Variants in SLC12A4 observed in about 807,000 individuals in gnomAD.
The protein encoded by SLC12A4 is electroneutral potassium-chloride cotransporter 1.
Under a neutral mutation model 119.2 loss-of-function variants are expected in SLC12A4, and 84 were observed. The ratio of observed to expected loss-of-function variants is 0.70; its 90% CI spans 0.59 to 0.85. SLC12A4 has a LOEUF of 0.85. SLC12A4 is among the 40% of genes least tolerant of loss of function. The pLI is 0.00. For synonymous variants in SLC12A4, 599 were observed against 604.6 expected, an observed-to-expected ratio of 0.99 and a Z score of 0.14; for missense variants, 1,298 against 1,476.3, an observed-to-expected ratio of 0.88 and a Z score of 1.98.
chr16:67,963,409 G>T, intron 2 of SLC12A4, 56 bp downstream of exon 2: 1 of 1,217,582 alleles, frequency 8.2e-7, no homozygotes, highest in Non-Finnish European at 1.2e-6. Flanking sequence ...CAGCCTGCCT[G>T]CTTAGCTAAA....
At position 67,945,697 on chromosome 16, in the gene SLC12A4, C is replaced by T. The variant is rs2058336084; in HGVS notation, c.2847+67G>A. ...TGAGTCATTCTGATTCCTCCGCACC[C>T]ACCGATGCGGTCTCCAAAGGCCTGA... On this transcript the variant is annotated intron_variant, in intron 21 of 23. Coordinates refer to ENST00000316341, the MANE Select transcript of SLC12A4 (RefSeq NM_005072.5). 14 of 1,521,148 alleles carry T rather than the reference C, an allele frequency of 9.2e-6. No homozygotes were observed. In the Admixed American group the frequency reaches 1.6e-4, roughly 17 times the overall value. 94.2% of individuals were successfully genotyped at this position (1,521,148 alleles called of 1,614,324 possible).
In SLC12A4 at chr16:67,946,653, G is replaced by T; in HGVS notation, c.2242-20C>A. 6.3e-7 allele frequency: 1 copy of T among 1,592,682 alleles called. No individual in the cohort carries two copies. Among genetic ancestry groups the T allele is most frequent in the African/African-American group, 1.3e-5 (1 of 74,646 alleles). On this transcript the variant is annotated intron_variant, in intron 17 of 23. Transcript: ENST00000316341. ...GATGGTCTGTGGGGAACACACCCAG[G>T]GCCAATGGGAGGCCATCAGCTTCCT...
At chr16:67,964,662 C>T (rs1156725816) in intron 1 of SLC12A4, among the ~76,000 whole-genome samples, 2 of 152,162 alleles carry the variant, frequency 1.3e-5, no homozygotes, top group Non-Finnish European at 2.9e-5. Context: ...GGCATGGTGT[C>T]CAGTGATGGA....
At chr16:67,960,674 T>C (rs913873115) in intron 3 of SLC12A4, among the ~76,000 whole-genome samples, 2 of 151,176 alleles carry the variant, frequency 1.3e-5, no homozygotes, top group African/African-American at 4.9e-5. Context: ...AGGGAGTCAG[T>C]GTGTGGAGAG....
chr16:67,966,444 C>T (rs1037673333), intron 1 of SLC12A4, among the ~76,000 whole-genome samples: 1 of 152,246 alleles, frequency 6.6e-6, no homozygotes, highest in Non-Finnish European at 1.5e-5. Flanking sequence ...TGGCCTAGGC[C>T]TAGGGACTGC....
Position 67,946,565 on chromosome 16 carries a change from C to T in SLC12A4, c.2310G>A (p.Val770=), listed in dbSNP as rs2058352879. 6.2e-7 allele frequency: 1 copy of T among 1,612,792 alleles called. No individual in the cohort carries two copies. Among genetic ancestry groups the T allele is most frequent in the East Asian group, 2.2e-5 (1 of 44,882 alleles). Residue 770 remains valine, a synonymous_variant, in exon 18 of 24, where the codon GTG becomes GTA. Transcript: ENST00000316341. ...GFCQVVVASK[V]REGLAHLIQS... ...GGATGAGGTGGGCCAGCCCCTCCCG[C>T]ACCTTGCTGGCCACCACCACCTGGC... is the stretch of plus-strand genomic sequence containing the variant.
At chr16:67,961,856 A>C (rs2030593822) in intron 2 of SLC12A4, 150 bp from the exon 3 acceptor site, 2 of 1,014,224 alleles carry the variant, frequency 2.0e-6, no homozygotes, top group East Asian at 2.5e-5. Context: ...AAGCCATCCA[A>C]CTGGACAGGT....
chr16:67,946,193 G>A lies in SLC12A4; in HGVS notation c.2585C>T (p.Pro862Leu). ...VHDGGMLMLL[P>L]FLLRQHKVWR... ...TACCTTATGCTGGCGCAGCAGGAAGGGCAGAAGCATGAGCATGCCACCATC... is the reference window on the plus strand; with the variant it reads ...TACCTTATGCTGGCGCAGCAGGAAGAGCAGAAGCATGAGCATGCCACCATC... The change falls in exon 19 of 24, where the codon CCC becomes CTC. Residue 862 changes from proline (P) to leucine (L), a missense_variant. By Grantham distance (98) the Pro-to-Leu change is moderately conservative. Transcript: ENST00000316341. 1 of 1,613,932 alleles carries A rather than the reference G, an allele frequency of 6.2e-7. No individual in the cohort carries two copies. The highest frequency in any genetic ancestry group is 8.5e-7 in the Non-Finnish European group (1 of 1,180,030).
intron 1 of SLC12A4, among the ~76,000 whole-genome samples, chr16:67,967,618 G>A (rs1363683303): frequency 2.0e-5 from 3 of 152,150 alleles, no homozygotes; most frequent in Admixed American, 2.0e-4. Flanking sequence ...AAAGGGCTGT[G>A]GAGAGACGCG....
At chr16:67,948,813 AG>A (rs1421247724) in intron 13 of SLC12A4, among the ~76,000 whole-genome samples, 2 of 151,450 alleles carry the variant, frequency 1.3e-5, no homozygotes, top group Non-Finnish European at 2.9e-5. Flanking sequence ...AAACAGTTTC[AG>A]GTGTGCTCTT....
chr16:67,952,685 A>T (rs1482122819), intron 6 of SLC12A4, among the ~76,000 whole-genome samples: 1 of 151,672 alleles, frequency 6.6e-6, no homozygotes, highest in Non-Finnish European at 1.5e-5. Flanking sequence ...CAGCAACTGG[A>T]GGCTGAGGCA....
At chr16:67,968,383 G>A in intron 1 of SLC12A4, 56 bp downstream of exon 1, 3 of 1,454,678 alleles carry the variant, frequency 2.1e-6, no homozygotes, top group Non-Finnish European at 2.7e-6. Context: ...CCGGGATGGC[G>A]GCCCCGGGTG....
At chr16:67,954,045 T>G in intron 6 of SLC12A4, 1 of 281,034 alleles carries the variant, frequency 3.6e-6, no homozygotes, top group Non-Finnish European at 7.3e-6. Context: ...AGGTATCTCC[T>G]ACCCTCTGGA....
rs1027089121 is a variant in SLC12A4 at position 67,944,719 on chromosome 16, C to G, written c.*121G>C. ...CAAGGAGACCTAGCAAAGCTGGGTC[C>G]AGGACAGGGCCAGGCAAGCAGGGCT... On this transcript the variant is annotated 3_prime_UTR_variant, in exon 24 of 24. Transcript: ENST00000316341. This position sits in a 1 kb window ranked among gnomAD's most constrained non-coding sequence, Gnocchi z 6.6. The G allele has an allele frequency of 1.4e-6, 2 of 1,469,626 alleles. No individual in the cohort carries two copies. Among genetic ancestry groups the G allele is most frequent in the Non-Finnish European group, 1.8e-6 (2 of 1,111,810 alleles). The allele number at this position is 1,469,626 out of a possible 1,614,324, so 91.0% of individuals were successfully genotyped here.
At position 67,951,712 on chromosome 16, in the gene SLC12A4, G is replaced by A. The variant is rs1346090051; in HGVS notation, c.1132+111C>T. On this transcript the variant is annotated intron_variant, in intron 8 of 23. Coordinates refer to ENST00000316341, the MANE Select transcript of SLC12A4 (RefSeq NM_005072.5). This position sits in a 1 kb window ranked among gnomAD's most constrained non-coding sequence, Gnocchi z 5.2. ...GGGAGGACACTGGGGGGCTGGGAAG[G>A]CGGCCAGTCCTGCCCCCGTTCCCAA... 4.1e-6 allele frequency: 4 copies of A among 985,254 alleles called. No homozygotes were observed. The highest frequency in any genetic ancestry group is 4.6e-5 in the Admixed American group (2 of 43,432). 61.0% of individuals were successfully genotyped at this position (985,254 alleles called of 1,614,324 possible). A position where few individuals can be genotyped will look rare whatever the true frequency, so the allele number is the denominator to read the frequency against.
At chr16:67,953,196 A>G (rs1378057414) in intron 6 of SLC12A4, among the ~76,000 whole-genome samples, 3 of 151,546 alleles carry the variant, frequency 2.0e-5, no homozygotes, top group Admixed American at 6.6e-5. Context: ...AGACAACCCC[A>G]GGCAACTTGG....
intron 6 of SLC12A4, among the ~76,000 whole-genome samples, 154 bp from the exon 7 acceptor site, chr16:67,952,579 A>C (rs998818140): frequency 1.3e-5 from 2 of 151,166 alleles, no homozygotes; most frequent in African/African-American, 4.9e-5. Flanking sequence ...GTGGGGGATC[A>C]CTTGAGGTCA....
At chr16:67,945,724 C>T (rs769728907) in intron 21 of SLC12A4, 40 bp downstream of exon 21, 40 of 1,591,820 alleles carry the variant, frequency 2.5e-5, no homozygotes, top group Non-Finnish European at 3.3e-5. Context: ...AAGGCCTGAC[C>T]CTGCCACCCG....
At position 67,945,907 on chromosome 16, in the gene SLC12A4, C is replaced by T. The variant is rs115688157; in HGVS notation, c.2740-36G>A. 691 of 1,613,088 alleles carry T rather than the reference C, an allele frequency of 4.3e-4. 1 individual carries two copies. The African/African-American group carries it at 7.1e-3, about 17-fold the overall frequency. ...GGTTGGCCGTGAGGACCCAGCTGCACGGGACATGGTATCCACGGGGCCAGG... is the reference window on the plus strand; with the variant it reads ...GGTTGGCCGTGAGGACCCAGCTGCATGGGACATGGTATCCACGGGGCCAGG... On this transcript the variant is annotated intron_variant, in intron 20 of 23. Coordinates refer to ENST00000316341, the MANE Select transcript of SLC12A4 (RefSeq NM_005072.5).
Sources: gnomAD v4.1 joint callset for allele counts (sites outside exome capture counted in the v4.1 genomes callset) on GRCh38, gnomAD v4.1.1 for gene constraint, Gnocchi (gnomAD v3.1) non-coding constraint, MANE v1.5 for transcripts, NCBI Gene and HGNC (gene_info 2026-07-23, HGNC 2026-07-21) for gene names.